Variants in SMCO2 observed in about 807,000 individuals in gnomAD.
SMCO2 encodes the protein single-pass membrane and coiled-coil domain-containing protein 2.
In SMCO2, 25 loss-of-function variants were observed where a neutral mutation model predicts 29.5. The ratio of observed to expected loss-of-function variants is 0.85; its 90% CI spans 0.62 to 1.18. The LOEUF (loss-of-function observed/expected upper bound fraction) is 1.18, where lower values mean the gene tolerates loss of function less well. Among genes scored for constraint, SMCO2 ranks in the 50% most tolerant of loss-of-function variants. The probability of loss-of-function intolerance (pLI) is 0.00; values close to 1 mark genes in which losing one functional copy is unlikely to be tolerated. For synonymous variants in SMCO2, 117 were observed against 123.3 expected (o/e 0.95, Z 0.34); for missense variants, 348 against 344.5 (o/e 1.01, Z -0.08).
chr12:27,500,706 T>C (rs1943064921), intron 7 of SMCO2, among the ~76,000 whole-genome samples: 1 of 150,456 alleles, frequency 6.6e-6, no homozygotes, highest in Admixed American at 6.6e-5. Flanking sequence ...GCAGGACACA[T>C]CTGCTTCCTG....
the SMCO2 span, among the ~76,000 whole-genome samples, chr12:27,433,835 C>A: frequency 1.2e-4 from 19 of 152,282 alleles, no homozygotes; most frequent in South Asian, 3.5e-3. Flanking sequence ...TAAAATATTT[C>A]TTCTCAAGAG....
chr12:27,447,888 G>A, the SMCO2 span, among the ~76,000 whole-genome samples: 1 of 152,112 alleles, frequency 6.6e-6, no homozygotes, highest in Non-Finnish European at 1.5e-5. Context: ...TTACGCGTCT[G>A]AGCCCCAGAA....
chr12:27,460,679 G>C, the SMCO2 span, among the ~76,000 whole-genome samples: 1 of 152,052 alleles, frequency 6.6e-6, no homozygotes, highest in Non-Finnish European at 1.5e-5. Context: ...GGCACACTCG[G>C]GGTAACTTTT....
At chr12:27,459,010 A>G in the SMCO2 span, among the ~76,000 whole-genome samples, 2 of 151,554 alleles carry the variant, frequency 1.3e-5, no homozygotes, top group Admixed American at 1.3e-4. Flanking sequence ...ACACGGTGAA[A>G]CCCCGTCTCT....
At chr12:27,496,302 A>G (rs1432954769) in intron 7 of SMCO2, among the ~76,000 whole-genome samples, 1 of 150,442 alleles carries the variant, frequency 6.6e-6, no homozygotes, top group Non-Finnish European at 1.5e-5. Context: ...GCAAATACAG[A>G]GAAGCTTCTC....
chr12:27,467,421 T>A (rs1307635743), intron 1 of SMCO2, among the ~76,000 whole-genome samples: 1 of 151,088 alleles, frequency 6.6e-6, no homozygotes, highest in African/African-American at 2.4e-5. Flanking sequence ...GTGTATGAAT[T>A]ACCTGAAACC....
intron 4 of SMCO2, 79 bp downstream of exon 5, chr12:27,475,810 A>G: frequency 1.5e-6 from 2 of 1,295,036 alleles, no homozygotes; most frequent in Admixed American, 3.3e-5. Flanking sequence ...CTTTGGGCTT[A>G]AGATGATAAA....
chr12:27,443,674 C>CA, the SMCO2 span, among the ~76,000 whole-genome samples: 1 of 152,110 alleles, frequency 6.6e-6, no homozygotes, highest in Non-Finnish European at 1.5e-5. Context: ...GTGCAGGACA[C>CA]AAAATCAACA....
chr12:27,465,384 G>C (rs1354945867), upstream of SMCO2, among the ~76,000 whole-genome samples: 1 of 152,174 alleles, frequency 6.6e-6, no homozygotes, highest in African/African-American at 2.4e-5. Flanking sequence ...GGTCACCCAG[G>C]ACAACCAAAG....
At chr12:27,459,829 G>A in the SMCO2 span, among the ~76,000 whole-genome samples, 3 of 152,134 alleles carry the variant, frequency 2.0e-5, no homozygotes, top group Non-Finnish European at 1.5e-5. Context: ...CTCATTTTAA[G>A]TTGCCCATAC....
chr12:27,462,838 C>T (rs926191861), upstream of SMCO2, among the ~76,000 whole-genome samples: 2 of 152,192 alleles, frequency 1.3e-5, no homozygotes, highest in Non-Finnish European at 2.9e-5. Context: ...ATATTTACTC[C>T]CCTCTAAGTT....
At chr12:27,480,777 T>TA (rs899361165) in intron 4 of SMCO2, among the ~76,000 whole-genome samples, 1 of 152,174 alleles carries the variant, frequency 6.6e-6, no homozygotes, top group Non-Finnish European at 1.5e-5. Flanking sequence ...ACCATGATTG[T>TA]AAGCTTCCTG....
the SMCO2 span, among the ~76,000 whole-genome samples, chr12:27,450,807 A>C: frequency 6.6e-6 from 1 of 152,214 alleles, no homozygotes; most frequent in Non-Finnish European, 1.5e-5. Flanking sequence ...AAATGGGCTA[A>C]ATCTTTTTAG....
chr12:27,433,172 A>G, the SMCO2 span, among the ~76,000 whole-genome samples: 71 of 152,286 alleles, frequency 4.7e-4, no homozygotes, highest in Admixed American at 2.6e-4. Flanking sequence ...GTACACACAT[A>G]TAGACGTGTG....
At chr12:27,424,613 T>A in the SMCO2 span, 1 of 152,218 alleles carries the variant, frequency 6.6e-6, no homozygotes, top group Non-Finnish European at 1.5e-5. Flanking sequence ...ATAGCCAATA[T>A]TTAGTTCCCA....
At chr12:27,436,130 C>T in the SMCO2 span, among the ~76,000 whole-genome samples, 1 of 152,188 alleles carries the variant, frequency 6.6e-6, no homozygotes, top group Non-Finnish European at 1.5e-5. Flanking sequence ...AGGCACTAAT[C>T]CCATTCACAA....
At chr12:27,488,971 A>G (rs939835269) in intron 5 of SMCO2, among the ~76,000 whole-genome samples, 1 of 151,942 alleles carries the variant, frequency 6.6e-6, no homozygotes, top group East Asian at 1.9e-4. Flanking sequence ...GGTTTTCACA[A>G]TCTCCAGAGT....
the SMCO2 span, among the ~76,000 whole-genome samples, chr12:27,441,239 A>G: frequency 6.6e-6 from 1 of 152,232 alleles, no homozygotes; most frequent in Admixed American, 6.5e-5. Flanking sequence ...AGCCTGGGCA[A>G]CAGAGTAAGA....
chr12:27,459,094 G>A, the SMCO2 span, among the ~76,000 whole-genome samples: 1 of 150,386 alleles, frequency 6.6e-6, no homozygotes, highest in Non-Finnish European at 1.5e-5. Context: ...GGCTGAGGCA[G>A]GAGAATGGCA....
Sources: gnomAD v4.1 joint callset for allele counts (sites outside exome capture counted in the v4.1 genomes callset) on GRCh38, gnomAD v4.1.1 for gene constraint, MANE v1.5 for transcripts, NCBI Gene and HGNC (gene_info 2026-07-23, HGNC 2026-07-21) for gene names.